The following RBFOX1 variants were observed in gnomAD, a reference collection of about 807,000 sequenced individuals.
RBFOX1 encodes RNA binding protein fox-1 homolog 1.
Under a neutral mutation model 57.7 loss-of-function variants are expected in RBFOX1, and 8 were observed. That is an observed-to-expected ratio of 0.14 (90% CI 0.08 to 0.25). RBFOX1 has a LOEUF of 0.25. RBFOX1 is among the 10% of genes least tolerant of loss of function. The probability of loss-of-function intolerance (pLI) is 1.00; values close to 1 mark genes in which losing one functional copy is unlikely to be tolerated. For missense variants in RBFOX1, 611 were observed against 548.5 expected (o/e 1.11, Z -1.14); for synonymous variants, 326 against 222.4 (o/e 1.47, Z -4.15).
At chr16:7,321,628 T>C (rs552356739) in intron 4 of RBFOX1, among the ~76,000 whole-genome samples, 55 of 152,304 alleles carry the variant, frequency 3.6e-4, no homozygotes, top group African/African-American at 1.2e-3. Context: ...ATTTACCTTA[T>C]AGGATAGTTG....
chr16:6,175,142 T>C (rs1175678631), intron 1 of RBFOX1, among the ~76,000 whole-genome samples: 1 of 152,224 alleles, frequency 6.6e-6, no homozygotes, highest in Non-Finnish European at 1.5e-5. Context: ...GTTAAAGGCT[T>C]ACTGTGAGTC....
chr16:7,390,130 C>T (rs115618343), intron 4 of RBFOX1, among the ~76,000 whole-genome samples: 1 of 152,078 alleles, frequency 6.6e-6, no homozygotes, highest in Non-Finnish European at 1.5e-5. Context: ...TACATACTTT[C>T]AAACAAACAG....
At position 7,360,586 on chromosome 16, in the gene RBFOX1, A is replaced by T. The variant is rs758774379; in HGVS notation, c.28-157561A>T. Reference sequence around the variant, plus strand: ...TGTGCCTAGGGAAGTGAGGTGTTTGAAAGGACGTTTCCTGTAGGCCACAAC... The same window carrying T: ...TGTGCCTAGGGAAGTGAGGTGTTTGTAAGGACGTTTCCTGTAGGCCACAAC... On this transcript the variant is annotated intron_variant, in intron 4 of 15. Coordinates refer to ENST00000550418, the MANE Select transcript of RBFOX1 (RefSeq NM_018723.4). 4.6e-5 allele frequency among the ~76,000 whole-genome samples: 7 copies of T among 152,280 alleles called. No homozygotes were observed. The South Asian group carries it at 1.5e-3, about 32-fold the overall frequency.
chr16:7,265,147 C>A (rs1299316031), intron 4 of RBFOX1, among the ~76,000 whole-genome samples: 1 of 152,174 alleles, frequency 6.6e-6, no homozygotes, highest in African/African-American at 2.4e-5. Context: ...ACTAAGGGTG[C>A]AGTGGTTATC....
intron 4 of RBFOX1, among the ~76,000 whole-genome samples, chr16:7,372,714 G>A (rs977409533): frequency 3.2e-4 from 48 of 151,912 alleles, no homozygotes; most frequent in African/African-American, 1.2e-3. Flanking sequence ...GTTATTGAGG[G>A]CTTACAGAAA....
At chr16:7,691,729 C>A (rs17767365) in intron 14 of RBFOX1, among the ~76,000 whole-genome samples, 2 of 150,430 alleles carry the variant, frequency 1.3e-5, no homozygotes, top group Non-Finnish European at 2.9e-5. Flanking sequence ...TTGGACAGTT[C>A]CTTAGGGAAA....
At chr16:5,586,618 T>G (rs2046837318) in intron 2 of RBFOX1, among the ~76,000 whole-genome samples, 1 of 152,180 alleles carries the variant, frequency 6.6e-6, no homozygotes, top group South Asian at 2.1e-4. Flanking sequence ...CCATTGCAGC[T>G]CCTAAGTAGC....
At chr16:6,491,043 C>T (rs1277298047) in intron 2 of RBFOX1, among the ~76,000 whole-genome samples, 1 of 151,970 alleles carries the variant, frequency 6.6e-6, no homozygotes. Flanking sequence ...CAAGACTACC[C>T]AGTAAAGTTC....
chr16:7,466,574 C>A (rs546231946), intron 4 of RBFOX1, among the ~76,000 whole-genome samples: 1 of 152,124 alleles, frequency 6.6e-6, no homozygotes, highest in Non-Finnish European at 1.5e-5. Flanking sequence ...AGACAGGGCT[C>A]GGAATATTCA....
chr16:5,633,743 G>C (rs1229977028), intron 3 of RBFOX1, among the ~76,000 whole-genome samples: 4 of 151,848 alleles, frequency 2.6e-5, no homozygotes, highest in African/African-American at 9.7e-5. Context: ...GCGTCGTGGT[G>C]CATGCCTGTA....
intron 1 of RBFOX1, among the ~76,000 whole-genome samples, chr16:6,152,234 ATAAT>A (rs2096802643): frequency 6.6e-6 from 1 of 152,174 alleles, no homozygotes; most frequent in African/African-American, 2.4e-5. Context: ...AGTGGCTTTG[ATAAT>A]TAATTTATAG....
chr16:6,958,880 A>G (rs1598394024), intron 3 of RBFOX1, among the ~76,000 whole-genome samples: 2 of 152,198 alleles, frequency 1.3e-5, no homozygotes, highest in Admixed American at 1.3e-4. Flanking sequence ...TTTTTTGAGA[A>G]CTGAGAAATG....
chr16:6,563,398 A>T (rs1302090977), intron 2 of RBFOX1, among the ~76,000 whole-genome samples: 2 of 152,204 alleles, frequency 1.3e-5, no homozygotes, highest in Admixed American at 1.3e-4. Flanking sequence ...CTCATTTATC[A>T]GATGAGAAAC....
At chr16:5,248,085 C>T (rs2062348641) in intron 1 of RBFOX1, among the ~76,000 whole-genome samples, 1 of 152,312 alleles carries the variant, frequency 6.6e-6, no homozygotes, top group African/African-American at 2.4e-5. Flanking sequence ...TGGGATCTCA[C>T]CTCGCACAGC....
intron 2 of RBFOX1, among the ~76,000 whole-genome samples, chr16:6,492,925 A>G (rs1019510043): frequency 1.3e-5 from 2 of 152,216 alleles, no homozygotes; most frequent in African/African-American, 4.8e-5. Context: ...TAATGAAGGG[A>G]CTATAAACAG....
chr16:7,710,600 C>T lies in RBFOX1; in HGVS notation c.1072-23C>T, dbSNP rs746332304. 5 of 1,610,102 alleles carry T rather than the reference C, an allele frequency of 3.1e-6. No individual in the cohort carries two copies. In the South Asian group the frequency reaches 4.4e-5, roughly 14 times the overall value. On this transcript the variant is annotated intron_variant, in intron 15 of 15. Coordinates refer to ENST00000550418, the MANE Select transcript of RBFOX1 (RefSeq NM_018723.4). Reference sequence around the variant, plus strand: ...GCAAAAGGAAAATGTAAAAAACACACCCCTCAAATTGCTTTGTTTCAGAAT... The same window carrying T: ...GCAAAAGGAAAATGTAAAAAACACATCCCTCAAATTGCTTTGTTTCAGAAT...
At chr16:6,172,062 A>ATGCC (rs1350735045) in intron 1 of RBFOX1, among the ~76,000 whole-genome samples, 1 of 151,976 alleles carries the variant, frequency 6.6e-6, no homozygotes. Flanking sequence ...ACCTCATGAT[A>ATGCC]TGCCTGCCTC....
Position 5,560,556 on chromosome 16 carries a change from C to T in RBFOX1, c.259-38346C>T, listed in dbSNP as rs145228339. Among the ~76,000 whole-genome samples, 499 of 152,344 alleles carry T rather than the reference C, an allele frequency of 3.3e-3. 4 individuals are homozygous for T. The highest frequency in any genetic ancestry group is 0.012 in the African/African-American group (479 of 41,590). ...TTTGTCTGTTTGAATCTCCTGTCAT[C>T]TGTGCATCACTGTACAAGGTCAAAT... On this transcript the variant is annotated intron_variant, in intron 2 of 2. Transcript: ENST00000585867.
At chr16:6,631,478 C>G (rs1175577422) in intron 2 of RBFOX1, among the ~76,000 whole-genome samples, 2 of 151,668 alleles carry the variant, frequency 1.3e-5, no homozygotes, top group Admixed American at 1.3e-4. Context: ...AAAAAGCAGA[C>G]ATCACATTCT....
Sources: gnomAD v4.1 joint callset for allele counts (sites outside exome capture counted in the v4.1 genomes callset) on GRCh38, gnomAD v4.1.1 for gene constraint, MANE v1.5 for transcripts, NCBI Gene and HGNC (gene_info 2026-07-23, HGNC 2026-07-21) for gene names.